The following RIT2 variants were observed in gnomAD, a reference collection of about 807,000 sequenced individuals.
The protein encoded by RIT2 is Ras like without CAAX 2, also known as GTP-binding protein Rit2.
A neutral mutation model predicts 23.7 loss-of-function variants in RIT2; 24 were observed. The ratio of observed to expected loss-of-function variants is 1.01; its 90% confidence interval spans 0.73 to 1.43. The LOEUF is 1.43. Among genes scored for constraint, RIT2 ranks in the 40% most tolerant of loss-of-function variants. The probability of loss-of-function intolerance (pLI) is 0.00; values close to 1 mark genes in which losing one functional copy is unlikely to be tolerated. For missense variants in RIT2, 236 were observed against 266.9 expected, an observed-to-expected ratio of 0.88 and a Z score of 0.81; for synonymous variants, 107 against 91.1, an observed-to-expected ratio of 1.17 and a Z score of -0.99.
intron 4 of RIT2, among the ~76,000 whole-genome samples, chr18:42,879,951 G>T (rs1036657544): frequency 2.0e-4 from 30 of 152,106 alleles, no homozygotes; most frequent in Admixed American, 2.0e-3. Flanking sequence ...TCCAGTCTCT[G>T]TATCTGACTG....
chr18:42,857,440 G>A (rs1313146916), intron 4 of RIT2, among the ~76,000 whole-genome samples: 1 of 152,024 alleles, frequency 6.6e-6, no homozygotes, highest in East Asian at 1.9e-4. Flanking sequence ...TAATTACCCT[G>A]GTATAATGTT....
intron 1 of RIT2, among the ~76,000 whole-genome samples, chr18:43,065,055 T>C (rs576828580): frequency 1.7e-4 from 26 of 151,946 alleles, no homozygotes; most frequent in African/African-American, 4.3e-4. Context: ...CCTGGCCTCA[T>C]GATCTGCCCG....
chr18:43,064,504 T>A (rs1163984581), intron 1 of RIT2, among the ~76,000 whole-genome samples: 1 of 152,098 alleles, frequency 6.6e-6, no homozygotes, highest in African/African-American at 2.4e-5. Context: ...AGAGATGCAA[T>A]TTCAGACAGA....
intron 2 of RIT2, among the ~76,000 whole-genome samples, chr18:43,021,795 C>A (rs899433782): frequency 6.6e-6 from 1 of 151,998 alleles, no homozygotes; most frequent in African/African-American, 2.4e-5. Context: ...GAAATGTGAG[C>A]CAGTTAAACC....
At chr18:42,794,791 A>T (rs1180822081) in intron 4 of RIT2, among the ~76,000 whole-genome samples, 1 of 152,190 alleles carries the variant, frequency 6.6e-6, no homozygotes, top group African/African-American at 2.4e-5. Context: ...TATTTATCAA[A>T]AGAGGAATGA....
intron 4 of RIT2, among the ~76,000 whole-genome samples, chr18:42,759,581 C>T (rs1436845866): frequency 2.6e-5 from 4 of 151,704 alleles, no homozygotes; most frequent in African/African-American, 7.3e-5. Context: ...AAAGAGACTT[C>T]CTGGGGCAAT....
At chr18:42,910,824 C>T (rs1382333097) in intron 4 of RIT2, among the ~76,000 whole-genome samples, 1 of 152,046 alleles carries the variant, frequency 6.6e-6, no homozygotes, top group Non-Finnish European at 1.5e-5. Flanking sequence ...AGAGCAAAAA[C>T]CGATAGAGCA....
intron 2 of RIT2, among the ~76,000 whole-genome samples, chr18:43,004,852 C>A (rs1362088330): frequency 1.3e-5 from 2 of 151,838 alleles, no homozygotes; most frequent in Non-Finnish European, 2.9e-5. Flanking sequence ...ATTGTTAGAT[C>A]TGCAGACTCA....
chr18:42,848,081 T>C (rs2144032668), intron 4 of RIT2, among the ~76,000 whole-genome samples: 1 of 152,030 alleles, frequency 6.6e-6, no homozygotes, highest in South Asian at 2.1e-4. Context: ...TCATTGCCTG[T>C]CTTCTGGGAG....
chr18:42,794,351 A>G (rs143446659), intron 4 of RIT2, among the ~76,000 whole-genome samples: 1 of 152,324 alleles, frequency 6.6e-6, no homozygotes, highest in East Asian at 1.9e-4. Flanking sequence ...CTTCATTTTT[A>G]AAGTAGGCAA....
At chr18:42,894,284 C>T (rs184244592) in intron 4 of RIT2, among the ~76,000 whole-genome samples, 247 of 152,322 alleles carry the variant, frequency 1.6e-3, no homozygotes, top group Middle Eastern at 6.8e-3. Flanking sequence ...CCATGAGTTT[C>T]TTGGAGACCA....
intron 4 of RIT2, among the ~76,000 whole-genome samples, chr18:42,824,317 T>C (rs531986373): frequency 2.0e-5 from 3 of 152,092 alleles, no homozygotes; most frequent in Non-Finnish European, 4.4e-5. Flanking sequence ...ACTGACACAG[T>C]AAGTCAATTA....
rs8084685 is a variant in RIT2 at position 43,033,641 on chromosome 18, T to C, written c.160+170A>G. 0.031 allele frequency among the ~76,000 whole-genome samples: 4,710 copies of C among 152,216 alleles called. 258 individuals are homozygous for C. The highest frequency in any genetic ancestry group is 0.1 in the African/African-American group (4,353 of 41,524). Reference sequence around the variant, plus strand: ...CCCGGCAAGAAGTAAGGACAAATACTGTCTCTTGAAGCTTCTGTTGTGGTA... The same window carrying C: ...CCCGGCAAGAAGTAAGGACAAATACCGTCTCTTGAAGCTTCTGTTGTGGTA... On this transcript the variant is annotated intron_variant, in intron 2 of 4. Coordinates refer to ENST00000326695, the MANE Select transcript of RIT2 (RefSeq NM_002930.4).
intron 4 of RIT2, among the ~76,000 whole-genome samples, chr18:42,819,575 C>T (rs1401068575): frequency 6.6e-6 from 1 of 151,882 alleles, no homozygotes; most frequent in Non-Finnish European, 1.5e-5. Flanking sequence ...TTATGTGTAT[C>T]TCATTGTACT....
chr18:43,080,124 G>A (rs1331405851), intron 1 of RIT2, among the ~76,000 whole-genome samples: 1 of 152,132 alleles, frequency 6.6e-6, no homozygotes, highest in Admixed American at 6.5e-5. Flanking sequence ...AGACCTCTGG[G>A]TCTAATAGAC....
chr18:42,775,625 A>C (rs995138042), intron 4 of RIT2, among the ~76,000 whole-genome samples: 2 of 152,032 alleles, frequency 1.3e-5, no homozygotes, highest in East Asian at 3.9e-4. Context: ...TGAACCCGGG[A>C]GGCGGAGCTT....
At chr18:43,027,304 A>C (rs999005266) in intron 2 of RIT2, among the ~76,000 whole-genome samples, 1 of 152,110 alleles carries the variant, frequency 6.6e-6, no homozygotes, top group Non-Finnish European at 1.5e-5. Context: ...CTAGTAGAAG[A>C]AGTGGGGTCA....
At chr18:42,819,023 C>T (rs1315068820) in intron 4 of RIT2, among the ~76,000 whole-genome samples, 1 of 151,936 alleles carries the variant, frequency 6.6e-6, no homozygotes, top group Non-Finnish European at 1.5e-5. Flanking sequence ...CAGGTCAATG[C>T]TATATCAAAG....
At chr18:43,083,534 A>G (rs1349198702) in intron 1 of RIT2, among the ~76,000 whole-genome samples, 3 of 152,210 alleles carry the variant, frequency 2.0e-5, no homozygotes, top group African/African-American at 4.8e-5. Flanking sequence ...AAACAGAGAC[A>G]TAGACCAATG....
Sources: gnomAD v4.1 joint callset for allele counts (sites outside exome capture counted in the v4.1 genomes callset) on GRCh38, gnomAD v4.1.1 for gene constraint, MANE v1.5 for transcripts, NCBI Gene and HGNC (gene_info 2026-07-23, HGNC 2026-07-21) for gene names.